The following RFX2 variants were observed in gnomAD, a reference collection of about 807,000 sequenced individuals.
RFX2 encodes regulatory factor X2.
In RFX2, 20 loss-of-function variants were observed where a neutral mutation model predicts 87.8. The ratio of observed to expected loss-of-function variants is 0.23; its 90% CI spans 0.16 to 0.33. The LOEUF (loss-of-function observed/expected upper bound fraction) is 0.33, where lower values mean the gene tolerates loss of function less well. Ranked by LOEUF, RFX2 falls within the 10% of genes least tolerant of loss-of-function variation. RFX2 has a pLI of 1.00. For missense variants in RFX2, 767 were observed against 1,012.3 expected, an observed-to-expected ratio of 0.76 and a Z score of 3.29; for synonymous variants, 397 against 431.3, an observed-to-expected ratio of 0.92 and a Z score of 0.98.
chr19:6,078,835 G>T (rs2087733681), intron 1 of RFX2, among the ~76,000 whole-genome samples: 1 of 152,210 alleles, frequency 6.6e-6, no homozygotes, highest in African/African-American at 2.4e-5. Context: ...GGGGTGCAGT[G>T]CACAATCTCA....
rs112156119 is a variant in RFX2 at position 6,074,891 on chromosome 19, A to C, written c.-8-27387T>G. On this transcript the variant is annotated intron_variant, in intron 1 of 17. Coordinates refer to ENST00000303657, the MANE Select transcript of RFX2 (RefSeq NM_000635.4). This position sits in a 1 kb window ranked among gnomAD's most constrained non-coding sequence, Gnocchi z 5.2. ...GGAGCTGGGGGAATGCTGGGGGTTG[A>C]ATGTTGTGTCCCCTTAAATTCCTAT... Among the ~76,000 whole-genome samples, 3,790 of 152,104 alleles carry C rather than the reference A, an allele frequency of 0.025. 173 individuals carry two copies. The highest frequency in any genetic ancestry group is 0.087 in the African/African-American group (3,616 of 41,480).
chr19:6,080,126 C>T (rs1178297057), intron 1 of RFX2, among the ~76,000 whole-genome samples: 1 of 151,926 alleles, frequency 6.6e-6, no homozygotes, highest in South Asian at 2.1e-4. Context: ...ACTGTAGCCT[C>T]TAACTCCAGG....
At position 6,074,836 on chromosome 19, in the gene RFX2, C is replaced by T. The variant is rs2087666301; in HGVS notation, c.-8-27332G>A. Among the ~76,000 whole-genome samples, 1 of 152,170 alleles carries T rather than the reference C, an allele frequency of 6.6e-6. No homozygotes were observed. The highest frequency in any genetic ancestry group is 2.4e-5 in the African/African-American group (1 of 41,438). On this transcript the variant is annotated intron_variant, in intron 1 of 17. Coordinates refer to ENST00000303657, the MANE Select transcript of RFX2 (RefSeq NM_000635.4). This position sits in a 1 kb window ranked among gnomAD's most constrained non-coding sequence, Gnocchi z 5.2. ...CTGAGGCACACGGGACATGTGGGGTCACACGGGTCACGTGAGGAGGCCACC... is the reference window on the plus strand; with the variant it reads ...CTGAGGCACACGGGACATGTGGGGTTACACGGGTCACGTGAGGAGGCCACC...
intron 1 of RFX2, among the ~76,000 whole-genome samples, chr19:6,092,877 A>G (rs1457301753): frequency 6.6e-6 from 1 of 152,116 alleles, no homozygotes; most frequent in Non-Finnish European, 1.5e-5. Flanking sequence ...CTGAAATGTT[A>G]AGAAGCTAAA....
At chr19:6,062,931 G>A (rs988236376) in intron 1 of RFX2, among the ~76,000 whole-genome samples, 1 of 151,666 alleles carries the variant, frequency 6.6e-6, no homozygotes, top group Non-Finnish European at 1.5e-5. Context: ...CTGGCCAGTC[G>A]CGCATATTCA....
In RFX2 at chr19:6,021,887, T is replaced by C. The variant is rs143415678; in HGVS notation, c.597+4276A>G. 4.0e-4 allele frequency among the ~76,000 whole-genome samples: 61 copies of C among 152,178 alleles called. 1 individual carries two copies. Among genetic ancestry groups the C allele is most frequent in the Admixed American group, 1.5e-3 (23 of 15,290 alleles). On this transcript the variant is annotated intron_variant, in intron 6 of 17. Coordinates refer to ENST00000303657, the MANE Select transcript of RFX2 (RefSeq NM_000635.4). The surrounding 1 kb of genome is among the most constrained non-coding windows in gnomAD (Gnocchi z 5.7). ...CTGGAGGCTGGGTAGGGGTGGGTGC[T>C]GACGGCTGGCTAGGAGGTGGCCGAA...
chr19:6,011,201 T>C lies in RFX2; in HGVS notation c.900-950A>G, dbSNP rs2086655715. 6.6e-6 allele frequency among the ~76,000 whole-genome samples: 1 copy of C among 152,200 alleles called. No individual in the cohort carries two copies. Among genetic ancestry groups the C allele is most frequent in the Non-Finnish European group, 1.5e-5 (1 of 68,032 alleles). Reference sequence around the variant, plus strand: ...CTTTGCGTGAATCACAAACATCTTATTATTGGTGCAATCTTAGAAGTTCTG... The same window carrying C: ...CTTTGCGTGAATCACAAACATCTTACTATTGGTGCAATCTTAGAAGTTCTG... On this transcript the variant is annotated intron_variant, in intron 8 of 17. Transcript: ENST00000303657. The surrounding 1 kb of genome is among the most constrained non-coding windows in gnomAD (Gnocchi z 4.8).
chr19:6,006,526 TGCAACCTCTTCCTCCTG>T (rs2086584327), intron 12 of RFX2, among the ~76,000 whole-genome samples: 1 of 145,302 alleles, frequency 6.9e-6, no homozygotes, highest in Non-Finnish European at 1.5e-5. Context: ...CTCGGCTCAC[TGCAACCTCTTCCTCCTG>T]GGTTAAAGCT....
At chr19:6,090,370 CAAA>C (rs1169384189) in intron 1 of RFX2, among the ~76,000 whole-genome samples, 8 of 56,550 alleles carry the variant, frequency 1.4e-4, no homozygotes, top group African/African-American at 1.0e-4. Context: ...GACTCTGTCT[CAAA>C]AAAAAAAAAA....
In RFX2 at chr19:6,010,009, A is replaced by G; in HGVS notation, c.1015+127T>C. Reference sequence around the variant, plus strand: ...TTATCGAAAACTTTCTATTTGTCCGAAAAGGTGTCTCGTAAGAAAACTGTC... The same window carrying G: ...TTATCGAAAACTTTCTATTTGTCCGGAAAGGTGTCTCGTAAGAAAACTGTC... On this transcript the variant is annotated intron_variant, in intron 9 of 17. Transcript: ENST00000303657. This position sits in a 1 kb window ranked among gnomAD's most constrained non-coding sequence, Gnocchi z 5.0. 1.9e-6 allele frequency: 1 copy of G among 524,708 alleles called. No individual in the cohort carries two copies. The highest frequency in any genetic ancestry group is 3.6e-5 in the South Asian group (1 of 27,472). The allele number at this position is 524,708 out of a possible 1,614,324, so 32.5% of individuals were successfully genotyped here.
chr19:6,029,073 T>C (rs996108497), intron 5 of RFX2, among the ~76,000 whole-genome samples: 6 of 126,046 alleles, frequency 4.8e-5, no homozygotes, highest in Non-Finnish European at 9.8e-5. Context: ...AGTGAGACTG[T>C]CTCAAAAAAA....
intron 1 of RFX2, among the ~76,000 whole-genome samples, chr19:6,058,517 G>A (rs2087379698): frequency 6.6e-6 from 1 of 151,982 alleles, no homozygotes; most frequent in Non-Finnish European, 1.5e-5. Flanking sequence ...TTCCAGAGCA[G>A]CAGGCTTCAA....
intron 1 of RFX2, among the ~76,000 whole-genome samples, chr19:6,107,266 A>G (rs1205536442): frequency 1.3e-5 from 2 of 151,556 alleles, no homozygotes; most frequent in Admixed American, 1.3e-4. Context: ...ACTGCACTCC[A>G]GCCTGGGAGA....
chr19:6,044,998 G>A lies in RFX2; in HGVS notation c.91-716C>T, dbSNP rs1278846257. Among the ~76,000 whole-genome samples the A allele has an allele frequency of 6.6e-6, 1 of 152,202 alleles. No individual in the cohort carries two copies. Among genetic ancestry groups the A allele is most frequent in the Non-Finnish European group, 1.5e-5 (1 of 68,040 alleles). ...AAATGGGAAGGGTCAAAGTGAACTC[G>A]AGTCGAGGGAGGAACAGGAGTGTTT... On this transcript the variant is annotated intron_variant, in intron 2 of 17. Transcript: ENST00000303657. The surrounding 1 kb of genome is among the most constrained non-coding windows in gnomAD (Gnocchi z 5.3).
chr19:6,091,700 T>C (rs879792795), intron 1 of RFX2, among the ~76,000 whole-genome samples: 7 of 152,224 alleles, frequency 4.6e-5, no homozygotes, highest in Non-Finnish European at 8.8e-5. Context: ...ACAATATCTG[T>C]TGGACACGAT....
At position 6,025,687 on chromosome 19, in the gene RFX2, G is replaced by A. The variant is rs111446182; in HGVS notation, c.597+476C>T. Among the ~76,000 whole-genome samples the A allele has an allele frequency of 4.9e-3, 738 of 151,916 alleles. 3 individuals carry two copies. The highest frequency in any genetic ancestry group is 8.2e-3 in the Non-Finnish European group (558 of 67,962). On this transcript the variant is annotated intron_variant, in intron 6 of 17. Coordinates refer to ENST00000303657, the MANE Select transcript of RFX2 (RefSeq NM_000635.4). ...CTGTCTTGATTTCTCCTTCATTGCT[G>A]AAGGGTATTTTTTGCTGGATGTAGG...
chr19:6,002,508 A>G lies in RFX2; in HGVS notation c.1650+213T>C, dbSNP rs1432273309. ...GAAAATGAGCAGAAGTGTTGGCCAC[A>G]GCGCCTGGACGCCAGAGGGCCCTGA... On this transcript the variant is annotated intron_variant, in intron 14 of 17. Coordinates refer to ENST00000303657, the MANE Select transcript of RFX2 (RefSeq NM_000635.4). The surrounding 1 kb of genome is among the most constrained non-coding windows in gnomAD (Gnocchi z 6.7). 6.6e-6 allele frequency among the ~76,000 whole-genome samples: 1 copy of G among 152,234 alleles called. No individual in the cohort carries two copies. The highest frequency in any genetic ancestry group is 1.5e-5 in the Non-Finnish European group (1 of 68,046).
rs374334447 is a variant in RFX2, at chr19:6,010,108, C to T, written c.1015+28G>A. The stretch of plus-strand genomic sequence containing the variant: ...GAGTGTGGCGAGCAGATGGGAGCCC[C>T]GCCCCCGGGCCTGACCGGGCCTCTC... On this transcript the variant is annotated intron_variant, in intron 9 of 17. Coordinates refer to ENST00000303657, the MANE Select transcript of RFX2 (RefSeq NM_000635.4). The surrounding 1 kb of genome is among the most constrained non-coding windows in gnomAD (Gnocchi z 5.0). 8.9e-5 allele frequency: 128 copies of T among 1,443,038 alleles called. No individual in the cohort carries two copies. The African/African-American group carries it at 1.5e-3, about 17-fold the overall frequency. 89.4% of individuals were successfully genotyped at this position (1,443,038 alleles called of 1,614,324 possible).
rs1349571299 is a variant in RFX2, at chr19:6,016,814, A to G, written c.598-543T>C. ...TTTCAGGTTCCTGGACTTAATTTGTAAACATCTGGGTGTGATCAGGAACTA... is the reference window on the plus strand; with the variant it reads ...TTTCAGGTTCCTGGACTTAATTTGTGAACATCTGGGTGTGATCAGGAACTA... On this transcript the variant is annotated intron_variant, in intron 6 of 17. Transcript: ENST00000303657. This position sits in a 1 kb window ranked among gnomAD's most constrained non-coding sequence, Gnocchi z 5.4. 6.6e-6 allele frequency among the ~76,000 whole-genome samples: 1 copy of G among 152,188 alleles called. No individual in the cohort carries two copies. Among genetic ancestry groups the G allele is most frequent in the East Asian group, 1.9e-4 (1 of 5,196 alleles).
Sources: allele counts gnomAD v4.1 joint callset (sites outside exome capture counted in the v4.1 genomes callset), GRCh38; gene constraint gnomAD v4.1.1; non-coding constraint Gnocchi (gnomAD v3.1); transcripts MANE v1.5; gene names NCBI Gene and HGNC (gene_info 2026-07-23, HGNC 2026-07-21).